The following MARCHF1 variants were observed in gnomAD, a reference collection of about 807,000 sequenced individuals.
MARCHF1 encodes the protein E3 ubiquitin-protein ligase MARCHF1.
Under a neutral mutation model 54.2 loss-of-function variants are expected in MARCHF1, and 40 were observed. The observed-to-expected ratio is 0.74, with a 90% CI of 0.57 to 0.96. MARCHF1 has a LOEUF of 0.96. Ranked by LOEUF, MARCHF1 falls within the 40% of genes least tolerant of loss-of-function variation. MARCHF1 has a pLI of 0.00. For missense variants in MARCHF1, 586 were observed against 656.5 expected (o/e 0.89, Z 1.17); for synonymous variants, 236 against 236.3 (o/e 1.00, Z 0.01).
At chr4:163,776,702 T>G (rs1747315283) in intron 4 of MARCHF1, among the ~76,000 whole-genome samples, 1 of 152,142 alleles carries the variant, frequency 6.6e-6, no homozygotes, top group Admixed American at 6.5e-5. Flanking sequence ...CATTGTTTTA[T>G]ACACAGAAGA....
intron 4 of MARCHF1, among the ~76,000 whole-genome samples, chr4:163,839,909 A>G (rs1470669258): frequency 6.6e-6 from 1 of 152,160 alleles, no homozygotes; most frequent in Non-Finnish European, 1.5e-5. Flanking sequence ...AAAAAAATGT[A>G]CAATAGAGAA....
rs139352790 is a variant in MARCHF1 at position 163,869,839 on chromosome 4, A to G, written c.-38-15670T>C. On this transcript the variant is annotated intron_variant, in intron 3 of 9. Transcript: ENST00000514618. ...CCACATTTCATACTCCTAAAAATGG[A>G]CACTCTCTTGTCGTTAATATATTGT... 9.8e-3 allele frequency among the ~76,000 whole-genome samples: 1,496 copies of G among 152,208 alleles called. 14 individuals carry two copies. The highest frequency in any genetic ancestry group is 0.015 in the Non-Finnish European group (1,017 of 67,954).
chr4:163,952,244 C>G (rs994254514), intron 3 of MARCHF1, among the ~76,000 whole-genome samples: 2 of 152,136 alleles, frequency 1.3e-5, no homozygotes, highest in African/African-American at 2.4e-5. Context: ...TTCACACATT[C>G]TTTTATTCTT....
intron 3 of MARCHF1, among the ~76,000 whole-genome samples, chr4:163,910,263 T>C (rs1751161512): frequency 6.6e-6 from 1 of 152,168 alleles, no homozygotes; most frequent in Non-Finnish European, 1.5e-5. Flanking sequence ...TCATAATGAT[T>C]CCACTTTGTT....
chr4:163,960,159 A>G (rs1413271193), intron 3 of MARCHF1, among the ~76,000 whole-genome samples: 1 of 151,996 alleles, frequency 6.6e-6, no homozygotes, highest in Non-Finnish European at 1.5e-5. Context: ...AAAACGACAG[A>G]TGCTGGTGAG....
At chr4:164,366,969 T>G (rs114213069) in intron 1 of MARCHF1, among the ~76,000 whole-genome samples, 161 of 152,166 alleles carry the variant, frequency 1.1e-3, no homozygotes, top group African/African-American at 3.7e-3. Flanking sequence ...ATTGCAAATT[T>G]GTGTCATTTA....
chr4:164,317,528 G>A (rs562558596), intron 1 of MARCHF1, among the ~76,000 whole-genome samples: 1 of 152,164 alleles, frequency 6.6e-6, no homozygotes, highest in South Asian at 2.1e-4. Flanking sequence ...AAGGAGACTA[G>A]CCCCCTTTTC....
chr4:163,576,676 C>T (rs926548404), intron 8 of MARCHF1, among the ~76,000 whole-genome samples: 3 of 151,886 alleles, frequency 2.0e-5, no homozygotes, highest in Admixed American at 6.6e-5. Context: ...TATTGTGTGG[C>T]TAAGTCTTTT....
chr4:163,936,515 C>A (rs538590736), intron 3 of MARCHF1, among the ~76,000 whole-genome samples: 1 of 152,302 alleles, frequency 6.6e-6, no homozygotes, highest in Admixed American at 6.5e-5. Flanking sequence ...CAGAGAGGAG[C>A]ACACTAGGAG....
Position 163,841,520 on chromosome 4 carries a change from A to G in MARCHF1, c.111+12501T>C, listed in dbSNP as rs549636626. Reference sequence around the variant, plus strand: ...TAAGAAATTACAGAAAATATAGTTAATGATATGTTTCCAGGCTTTCATAAT... The same window carrying G: ...TAAGAAATTACAGAAAATATAGTTAGTGATATGTTTCCAGGCTTTCATAAT... On this transcript the variant is annotated intron_variant, in intron 4 of 9. Coordinates refer to ENST00000514618, the MANE Select transcript of MARCHF1 (RefSeq NM_001394959.1). Among the ~76,000 whole-genome samples the G allele has an allele frequency of 3.2e-3, 484 of 152,218 alleles. 11 individuals are homozygous for G. Among genetic ancestry groups the G allele is most frequent in the Non-Finnish European group, 2.5e-4 (17 of 68,002 alleles).
intron 3 of MARCHF1, among the ~76,000 whole-genome samples, chr4:163,973,943 A>G (rs1752600177): frequency 6.6e-6 from 1 of 152,226 alleles, no homozygotes; most frequent in Non-Finnish European, 1.5e-5. Context: ...GTAGGAAAAA[A>G]TAAGGTAATA....
intron 2 of MARCHF1, among the ~76,000 whole-genome samples, chr4:164,035,785 A>G (rs1753981501): frequency 6.6e-6 from 1 of 151,916 alleles, no homozygotes; most frequent in South Asian, 2.1e-4. Context: ...ACCAGATCTA[A>G]TTAATAGTAT....
At position 163,632,755 on chromosome 4, in the gene MARCHF1, G is replaced by A. The variant is rs576472700; in HGVS notation, c.163-19362C>T. On this transcript the variant is annotated intron_variant, in intron 5 of 9. Transcript: ENST00000514618. The stretch of plus-strand genomic sequence containing the variant: ...TGGGTGGAGCCCACCATAGCTCAAG[G>A]AGGCCTGCCTGCCTCTGTAGGCTCA... Among the ~76,000 whole-genome samples the A allele has an allele frequency of 2.4e-4, 37 of 152,364 alleles. 1 individual carries two copies. Among genetic ancestry groups the A allele is most frequent in the African/African-American group, 8.2e-4 (34 of 41,596 alleles).
intron 3 of MARCHF1, among the ~76,000 whole-genome samples, chr4:163,942,270 T>C (rs1356663094): frequency 6.6e-6 from 1 of 152,152 alleles, no homozygotes; most frequent in Non-Finnish European, 1.5e-5. Context: ...TAGCATAAAG[T>C]GAAACAAAGA....
chr4:164,007,646 C>CTGTGTG (rs70948688), intron 2 of MARCHF1, among the ~76,000 whole-genome samples: 6 of 139,918 alleles, frequency 4.3e-5, no homozygotes, highest in African/African-American at 1.6e-4. Flanking sequence ...CTCTCTCTCT[C>CTGTGTG]TGTGTGTGTG....
At chr4:164,143,997 A>G (rs1416786367) in intron 1 of MARCHF1, among the ~76,000 whole-genome samples, 2 of 152,206 alleles carry the variant, frequency 1.3e-5, no homozygotes, top group African/African-American at 2.4e-5. Context: ...GCAAATGGAA[A>G]ACAAAAAGGC....
At chr4:163,949,497 C>G (rs1179547799) in intron 3 of MARCHF1, among the ~76,000 whole-genome samples, 1 of 152,222 alleles carries the variant, frequency 6.6e-6, no homozygotes, top group African/African-American at 2.4e-5. Flanking sequence ...TGTGTCAGCT[C>G]GTTTGTGTTA....
At chr4:164,127,316 T>A (rs2110801097) in intron 1 of MARCHF1, among the ~76,000 whole-genome samples, 1 of 152,272 alleles carries the variant, frequency 6.6e-6, no homozygotes, top group South Asian at 2.1e-4. Context: ...GAGAAACAAC[T>A]TAGAGTTTTT....
chr4:164,340,871 C>A (rs147494154), intron 1 of MARCHF1, among the ~76,000 whole-genome samples: 2 of 146,440 alleles, frequency 1.4e-5, no homozygotes, highest in Admixed American at 6.9e-5. Context: ...ATTCATTTTT[C>A]TAAGGCCAAC....
Sources: gnomAD v4.1 joint callset for allele counts (sites outside exome capture counted in the v4.1 genomes callset) on GRCh38, gnomAD v4.1.1 for gene constraint, MANE v1.5 for transcripts, NCBI Gene and HGNC (gene_info 2026-07-23, HGNC 2026-07-21) for gene names.